The following PLCB1 variants were observed in gnomAD, a reference collection of about 807,000 sequenced individuals.
The protein encoded by PLCB1 is phospholipase C beta 1.
PLCB1 carries 46 observed loss-of-function variants against 161.8 expected under a neutral mutation model. The ratio of observed to expected loss-of-function variants is 0.28; its 90% CI spans 0.22 to 0.36. The LOEUF is 0.36. PLCB1 is among the 10% of genes least tolerant of loss of function. The probability of loss-of-function intolerance (pLI) is 1.00; values close to 1 mark genes in which losing one functional copy is unlikely to be tolerated. For synonymous variants in PLCB1, 517 were observed against 503.7 expected, an observed-to-expected ratio of 1.03 and a Z score of -0.35; for missense variants, 1,016 against 1,472.5, an observed-to-expected ratio of 0.69 and a Z score of 5.07.
chr20:8,587,389 G>A (rs1329601317), intron 3 of PLCB1, among the ~76,000 whole-genome samples: 1 of 152,106 alleles, frequency 6.6e-6, no homozygotes, highest in Non-Finnish European at 1.5e-5. Flanking sequence ...GTGGCCATTT[G>A]ACTCTTGCTT....
At chr20:8,669,562 G>A (rs543143133) in intron 9 of PLCB1, among the ~76,000 whole-genome samples, 2 of 152,020 alleles carry the variant, frequency 1.3e-5, no homozygotes, top group Non-Finnish European at 2.9e-5. Flanking sequence ...ACAGTTTTTT[G>A]AGTCTTGCTA....
intron 3 of PLCB1, among the ~76,000 whole-genome samples, chr20:8,512,321 G>T (rs1226982448): frequency 6.6e-6 from 1 of 152,006 alleles, no homozygotes; most frequent in Non-Finnish European, 1.5e-5. Flanking sequence ...TTAGGCATAG[G>T]TGCTATATTT....
chr20:8,409,129 T>C (rs1038474770), intron 3 of PLCB1, among the ~76,000 whole-genome samples: 10 of 152,144 alleles, frequency 6.6e-5, no homozygotes, highest in African/African-American at 2.2e-4. Context: ...TAGCTGAAGA[T>C]GCAAAAACCC....
At chr20:8,202,880 G>A (rs1978331835) in intron 2 of PLCB1, among the ~76,000 whole-genome samples, 1 of 152,164 alleles carries the variant, frequency 6.6e-6, no homozygotes, top group Non-Finnish European at 1.5e-5. Context: ...AGATGAGGAA[G>A]AACACGCAGA....
At chr20:8,812,694 C>T (rs940495397) in intron 31 of PLCB1, among the ~76,000 whole-genome samples, 1 of 152,146 alleles carries the variant, frequency 6.6e-6, no homozygotes, top group Non-Finnish European at 1.5e-5. Context: ...ACACTGATTT[C>T]CTGAATAGAT....
At chr20:8,641,760 T>C (rs1988964226) in intron 4 of PLCB1, among the ~76,000 whole-genome samples, 1 of 152,198 alleles carries the variant, frequency 6.6e-6, no homozygotes, top group African/African-American at 2.4e-5. Context: ...TTGGTGAAGT[T>C]GGTGGCCATG....
At chr20:8,184,168 A>G (rs895239581) in intron 2 of PLCB1, among the ~76,000 whole-genome samples, 6 of 152,198 alleles carry the variant, frequency 3.9e-5, no homozygotes, top group African/African-American at 1.4e-4. Flanking sequence ...ATATACACAT[A>G]GAAAGATAAT....
At chr20:8,805,001 CAAAAAAAAAAA>C (rs3033880) in intron 31 of PLCB1, among the ~76,000 whole-genome samples, 2 of 91,018 alleles carry the variant, frequency 2.2e-5, no homozygotes, top group African/African-American at 8.7e-5. Context: ...AACTCCATCT[CAAAAAAAAAAA>C]AAAAAAAAAA....
chr20:8,327,894 TTATATA>T (rs71862056), intron 2 of PLCB1, among the ~76,000 whole-genome samples: 1 of 150,784 alleles, frequency 6.6e-6, no homozygotes, highest in Non-Finnish European at 1.5e-5. Flanking sequence ...ATATGTATAG[TTATATA>T]TATATATACA....
intron 2 of PLCB1, among the ~76,000 whole-genome samples, chr20:8,182,773 G>GT (rs1348189429): frequency 1.3e-5 from 2 of 151,778 alleles, no homozygotes; most frequent in African/African-American, 4.8e-5. Context: ...TAGAGACAGT[G>GT]TTTCACCATG....
At chr20:8,493,701 G>A (rs1983039288) in intron 3 of PLCB1, among the ~76,000 whole-genome samples, 1 of 141,252 alleles carries the variant, frequency 7.1e-6, no homozygotes, top group African/African-American at 2.7e-5. Context: ...TGAGTGCTGT[G>A]TGCTATAGCA....
At chr20:8,488,374 C>G (rs1982815628) in intron 3 of PLCB1, among the ~76,000 whole-genome samples, 1 of 152,142 alleles carries the variant, frequency 6.6e-6, no homozygotes, top group East Asian at 1.9e-4. Context: ...GCTCCTTCCT[C>G]TGCCCCATCC....
chr20:8,570,032 C>A (rs1283116260), intron 3 of PLCB1, among the ~76,000 whole-genome samples: 1 of 152,130 alleles, frequency 6.6e-6, no homozygotes, highest in Non-Finnish European at 1.5e-5. Flanking sequence ...GGTTGTTTCT[C>A]TTCACTCTTC....
At chr20:8,537,385 G>A (rs368795520) in intron 3 of PLCB1, among the ~76,000 whole-genome samples, 91 of 152,234 alleles carry the variant, frequency 6.0e-4, no homozygotes, top group African/African-American at 2.0e-3. Context: ...TAATGTACAT[G>A]TGTGAGCTCA....
intron 3 of PLCB1, among the ~76,000 whole-genome samples, chr20:8,457,444 T>C (rs896862506): frequency 6.6e-6 from 1 of 152,098 alleles, no homozygotes; most frequent in East Asian, 1.9e-4. Context: ...TCCTCACTTC[T>C]CTCCCCACTG....
At chr20:8,533,391 G>C (rs1352086485) in intron 3 of PLCB1, among the ~76,000 whole-genome samples, 2 of 151,354 alleles carry the variant, frequency 1.3e-5, no homozygotes, top group Admixed American at 1.3e-4. Flanking sequence ...TAATGGGATG[G>C]CTGGGTCAAA....
intron 2 of PLCB1, among the ~76,000 whole-genome samples, chr20:8,281,324 C>T (rs1982863735): frequency 7.0e-6 from 1 of 142,346 alleles, no homozygotes; most frequent in Non-Finnish European, 1.5e-5. Flanking sequence ...TAAGTAAACC[C>T]AGAGCTCTTT....
At chr20:8,414,275 T>C (rs1420648284) in intron 3 of PLCB1, among the ~76,000 whole-genome samples, 1 of 152,162 alleles carries the variant, frequency 6.6e-6, no homozygotes, top group African/African-American at 2.4e-5. Flanking sequence ...TAAGCCAGCA[T>C]ACTAAGGAAA....
intron 3 of PLCB1, among the ~76,000 whole-genome samples, chr20:8,577,437 C>CAAAA (rs11289640): frequency 1.7e-4 from 16 of 94,004 alleles, no homozygotes; most frequent in African/African-American, 6.0e-4. Flanking sequence ...GACCCTGTCT[C>CAAAA]AAAAAAAAAA....
Sources: allele counts gnomAD v4.1 joint callset (sites outside exome capture counted in the v4.1 genomes callset), GRCh38; gene constraint gnomAD v4.1.1; transcripts MANE v1.5; gene names NCBI Gene and HGNC (gene_info 2026-07-23, HGNC 2026-07-21).